The following HGD variants were observed in gnomAD, a reference collection of about 807,000 sequenced individuals.
HGD encodes homogentisate oxidase.
A neutral mutation model predicts 60.8 loss-of-function variants in HGD; 61 were observed. The observed-to-expected ratio is 1.00, with a 90% CI of 0.82 to 1.24. The LOEUF (loss-of-function observed/expected upper bound fraction) is 1.24, where lower values mean the gene tolerates loss of function less well. HGD is among the 50% of genes most tolerant of loss of function. The pLI, the probability that HGD is intolerant of heterozygous loss-of-function variation, is 0.00. For missense variants in HGD, 542 were observed against 547.1 expected, an observed-to-expected ratio of 0.99 and a Z score of 0.09; for synonymous variants, 212 against 187.7, an observed-to-expected ratio of 1.13 and a Z score of -1.06.
intron 3 of HGD, among the ~76,000 whole-genome samples, chr3:120,673,251 T>C (rs1006859873): frequency 2.0e-5 from 3 of 152,196 alleles, no homozygotes; most frequent in Non-Finnish European, 2.9e-5. Flanking sequence ...TGAACAGAGA[T>C]TTAATTCTGA....
intron 11 of HGD, among the ~76,000 whole-genome samples, 190 bp downstream of exon 11, chr3:120,641,399 T>C (rs1162820463): frequency 6.6e-6 from 1 of 152,194 alleles, no homozygotes; most frequent in Admixed American, 6.5e-5. Flanking sequence ...CACAGGGGAA[T>C]GTTGAGTATC....
intron 3 of HGD, 154 bp downstream of exon 3, chr3:120,674,747 G>T: frequency 1.5e-6 from 1 of 656,544 alleles, no homozygotes; most frequent in Non-Finnish European, 2.8e-6. Flanking sequence ...CTGGCAGGAA[G>T]TTCATTCTCT....
At chr3:120,671,980 C>T (rs1230362356) in intron 3 of HGD, among the ~76,000 whole-genome samples, 1 of 149,886 alleles carries the variant, frequency 6.7e-6, no homozygotes, top group Non-Finnish European at 1.5e-5. Flanking sequence ...CACACTGGGG[C>T]CTGTTGGGGG....
At chr3:120,630,798 T>TTGTATATATATATATATATA (rs1940560061) in intron 13 of HGD, among the ~76,000 whole-genome samples, 1 of 88,028 alleles carries the variant, frequency 1.1e-5, no homozygotes, top group African/African-American at 6.2e-5. Context: ...CTTAAGAGCT[T>TTGTATATATATATATATATA]TATATATATA....
chr3:120,640,727 G>C (rs180966079), intron 11 of HGD, among the ~76,000 whole-genome samples: 5 of 152,164 alleles, frequency 3.3e-5, no homozygotes, highest in African/African-American at 4.8e-5. Flanking sequence ...ATCCTTTTTC[G>C]TGCTGTTTGT....
At chr3:120,631,918 A>T (rs1940604796) in intron 13 of HGD, among the ~76,000 whole-genome samples, 1 of 152,200 alleles carries the variant, frequency 6.6e-6, no homozygotes, top group African/African-American at 2.4e-5. Flanking sequence ...TGTAAAACAC[A>T]GCTCCCTCAT....
chr3:120,639,670 AAG>A (rs1464243213), intron 11 of HGD, among the ~76,000 whole-genome samples: 30 of 152,192 alleles, frequency 2.0e-4, no homozygotes, highest in African/African-American at 7.2e-4. Context: ...AGCAAAATCC[AAG>A]TTTTGGTGTA....
At chr3:120,676,443 G>GA (rs940307676) in intron 1 of HGD, among the ~76,000 whole-genome samples, 1 of 51,520 alleles carries the variant, frequency 1.9e-5, no homozygotes, top group African/African-American at 1.4e-4. Context: ...ACACCCAGAG[G>GA]AAAAAAAAAG....
At position 120,658,270 on chromosome 3, in the gene HGD, C is replaced by A. The variant is rs776773015; in HGVS notation, c.283-5619G>T. ...AAATAAGTTAGTTACTTCCAAGATA[C>A]AATGGGGGTATAGACATTAGGTAAA... On this transcript the variant is annotated intron_variant, in intron 4 of 13. Coordinates refer to ENST00000283871, the MANE Select transcript of HGD (RefSeq NM_000187.4). Among the ~76,000 whole-genome samples the A allele has an allele frequency of 2.0e-5, 3 of 152,300 alleles. 1 individual carries two copies. The Middle Eastern group carries it at 0.01, about 518-fold the overall frequency.
At chr3:120,668,138 A>T (rs1707942006) in intron 4 of HGD, among the ~76,000 whole-genome samples, 1 of 152,186 alleles carries the variant, frequency 6.6e-6, no homozygotes, top group Non-Finnish European at 1.5e-5. Flanking sequence ...ACCAGGGAGG[A>T]TGTCTGCTTT....
intron 5 of HGD, 127 bp from the exon 6 acceptor site, chr3:120,650,992 G>T: frequency 2.5e-6 from 2 of 794,966 alleles, no homozygotes; most frequent in Admixed American, 1.8e-5. Flanking sequence ...CCGGTGGGAC[G>T]TTTGGAATCC....
chr3:120,639,212 C>A lies in HGD; in HGVS notation c.880-631G>T, dbSNP rs151193131. On this transcript the variant is annotated intron_variant, in intron 11 of 13. Transcript: ENST00000283871. Reference sequence around the variant, plus strand: ...CAATAGGTAGTTTTTTCACCCTCCCCCTTCTAGTAGTCTCCAGTGTCTATT... The same window carrying A: ...CAATAGGTAGTTTTTTCACCCTCCCACTTCTAGTAGTCTCCAGTGTCTATT... Among the ~76,000 whole-genome samples the A allele has an allele frequency of 3.3e-4, 50 of 152,270 alleles. 1 individual carries two copies. The highest frequency in any genetic ancestry group is 1.1e-3 in the African/African-American group (44 of 41,558).
intron 13 of HGD, among the ~76,000 whole-genome samples, chr3:120,631,277 C>T (rs1253523340): frequency 6.6e-6 from 1 of 151,942 alleles, no homozygotes; most frequent in Non-Finnish European, 1.5e-5. Flanking sequence ...ATGAATAAGA[C>T]CTAGCATTTG....
chr3:120,661,642 A>G (rs952154106), intron 4 of HGD, among the ~76,000 whole-genome samples: 1 of 152,264 alleles, frequency 6.6e-6, no homozygotes, highest in East Asian at 1.9e-4. Context: ...AATAAGAGAT[A>G]TAAGCAATGA....
chr3:120,652,731 A>G, intron 4 of HGD, 80 bp from the exon 5 acceptor site: 1 of 952,240 alleles, frequency 1.1e-6, no homozygotes, highest in South Asian at 1.4e-5. Flanking sequence ...CATCAATTAC[A>G]TAGAAAAGAA....
intron 5 of HGD, 58 bp downstream of exon 5, chr3:120,652,534 C>G: frequency 7.5e-7 from 1 of 1,332,156 alleles, no homozygotes; most frequent in Non-Finnish European, 1.1e-6. Flanking sequence ...AAATGGTTGG[C>G]TCACTCACCA....
intron 6 of HGD, 109 bp from the exon 7 acceptor site, chr3:120,648,020 G>T (rs558790258): frequency 2.2e-6 from 2 of 903,364 alleles, no homozygotes; most frequent in African/African-American, 1.6e-5. Flanking sequence ...CTCAGAGCTG[G>T]GTATAAAATG....
intron 7 of HGD, 79 bp downstream of exon 7, chr3:120,647,798 T>C (rs1941211212): frequency 9.2e-7 from 1 of 1,089,876 alleles, no homozygotes; most frequent in Non-Finnish European, 1.4e-6. Flanking sequence ...TGAAGGAAAA[T>C]AATGTGTATA....
At chr3:120,654,467 T>C (rs980457064) in intron 4 of HGD, among the ~76,000 whole-genome samples, 1 of 152,180 alleles carries the variant, frequency 6.6e-6, no homozygotes, top group African/African-American at 2.4e-5. Context: ...CTTGTATTGA[T>C]GAACCAAGCA....
Sources: gnomAD v4.1 joint callset for allele counts (sites outside exome capture counted in the v4.1 genomes callset) on GRCh38, gnomAD v4.1.1 for gene constraint, MANE v1.5 for transcripts, NCBI Gene and HGNC (gene_info 2026-07-23, HGNC 2026-07-21) for gene names.